PDE4D: variants seen among roughly 807,000 people sequenced by gnomAD.
PDE4D encodes the protein 3',5'-cyclic-AMP phosphodiesterase 4D.
In PDE4D, 24 loss-of-function variants were observed where a neutral mutation model predicts 87.4. That is an observed-to-expected ratio of 0.27 (90% confidence interval 0.20 to 0.39). The LOEUF is 0.39. PDE4D is among the 10% of genes least tolerant of loss of function. PDE4D has a pLI of 1.00. For missense variants in PDE4D, 714 were observed against 1,041.0 expected (o/e 0.69, Z 4.32); for synonymous variants, 384 against 383.2 (o/e 1.00, Z -0.02).
intron 1 of PDE4D, among the ~76,000 whole-genome samples, chr5:59,311,526 A>C (rs13172552): frequency 3.8e-5 from 5 of 133,124 alleles, no homozygotes; most frequent in Admixed American, 7.4e-5. Flanking sequence ...AAAAAAAAAA[A>C]CAGAAAAAGA....
intron 1 of PDE4D, among the ~76,000 whole-genome samples, chr5:59,240,538 A>G (rs760242980): frequency 1.3e-5 from 2 of 152,160 alleles, no homozygotes; most frequent in Non-Finnish European, 2.9e-5. Context: ...CACTAAGCTC[A>G]GCTCAAGACC....
intron 11 of PDE4D, 50 bp from the exon 12 acceptor site, chr5:58,977,395 T>C (rs1409566855): frequency 6.5e-7 from 1 of 1,539,502 alleles, no homozygotes; most frequent in Non-Finnish European, 8.8e-7. Context: ...TTGTGAGAAG[T>C]TTATCTGATT....
chr5:59,661,969 G>A (rs923427396), intron 1 of PDE4D, among the ~76,000 whole-genome samples: 2 of 152,128 alleles, frequency 1.3e-5, no homozygotes, highest in African/African-American at 4.8e-5. Flanking sequence ...GTTCTGGGAG[G>A]GGGGATATAT....
In PDE4D at chr5:59,893,681, G is replaced by A; in HGVS notation, c.-59C>T. On this transcript the variant is annotated 5_prime_UTR_variant, in exon 1 of 15. Transcript: ENST00000340635. ...CCGGGTTCACCGCGCTGGCCCGAGCGCCTTCCTGATGCTGCTGCTGCTGCT... is the reference window on the plus strand; with the variant it reads ...CCGGGTTCACCGCGCTGGCCCGAGCACCTTCCTGATGCTGCTGCTGCTGCT... 1 of 1,400,738 alleles carries A rather than the reference G, an allele frequency of 7.1e-7. No individual in the cohort carries two copies. Among genetic ancestry groups the A allele is most frequent in the Non-Finnish European group, 9.2e-7 (1 of 1,088,400 alleles). 86.8% of individuals were successfully genotyped at this position (1,400,738 alleles called of 1,614,324 possible).
intron 6 of PDE4D, among the ~76,000 whole-genome samples, chr5:59,016,898 C>T (rs2968016): frequency 0.56 from 85,156 of 151,774 alleles, 24,111 homozygotes; most frequent in Admixed American, 0.63. Flanking sequence ...AGACAATAAA[C>T]AAGCAGACAA....
At chr5:59,851,666 T>C (rs1460766673) in intron 1 of PDE4D, among the ~76,000 whole-genome samples, 2 of 152,076 alleles carry the variant, frequency 1.3e-5, no homozygotes, top group African/African-American at 4.8e-5. Context: ...ATATAAAACC[T>C]TTAAATCTGG....
chr5:59,737,582 A>G (rs1758254200), intron 1 of PDE4D, among the ~76,000 whole-genome samples: 1 of 152,144 alleles, frequency 6.6e-6, no homozygotes, highest in South Asian at 2.1e-4. Flanking sequence ...TTAATAACAT[A>G]ATATTTCATT....
chr5:59,985,131 G>GTTTTTTTTT (rs1357220308), intron 3 of PDE4D, among the ~76,000 whole-genome samples: 1 of 116,086 alleles, frequency 8.6e-6, no homozygotes, highest in Non-Finnish European at 1.8e-5. Context: ...TTCGTTTTTT[G>GTTTTTTTTT]TTTTTTGTTT....
chr5:59,108,904 C>A, intron 5 of PDE4D, among the ~76,000 whole-genome samples: 1 of 67,998 alleles, frequency 1.5e-5, no homozygotes. Flanking sequence ...GAGATTCCTT[C>A]TCAAAAAAAA....
At chr5:60,240,868 A>G (rs1344254748) in intron 1 of PDE4D, among the ~76,000 whole-genome samples, 4 of 152,126 alleles carry the variant, frequency 2.6e-5, no homozygotes, top group Non-Finnish European at 5.9e-5. Context: ...ATAATACCCA[A>G]GTACTTTTGA....
chr5:59,513,341 T>C (rs528968935), intron 1 of PDE4D, among the ~76,000 whole-genome samples: 2 of 152,298 alleles, frequency 1.3e-5, no homozygotes, highest in African/African-American at 2.4e-5. Flanking sequence ...AAGAATGATA[T>C]TGACAAAAAT....
chr5:59,222,327 T>G (rs77508816), intron 1 of PDE4D, among the ~76,000 whole-genome samples: 264 of 152,288 alleles, frequency 1.7e-3, no homozygotes, highest in African/African-American at 5.2e-3. Flanking sequence ...AGTTTAAACT[T>G]TTCCCAATTT....
chr5:60,061,175 G>C (rs1307285295), intron 2 of PDE4D, among the ~76,000 whole-genome samples: 2 of 152,120 alleles, frequency 1.3e-5, no homozygotes, highest in East Asian at 3.9e-4. Flanking sequence ...CCTATATTTA[G>C]AAAACCCCAT....
intron 1 of PDE4D, among the ~76,000 whole-genome samples, chr5:59,562,078 G>T (rs542207607): frequency 2.6e-5 from 4 of 152,106 alleles, no homozygotes; most frequent in African/African-American, 9.7e-5. Context: ...TACTGCATAT[G>T]TCAATAAATG....
intron 5 of PDE4D, among the ~76,000 whole-genome samples, chr5:59,153,687 C>T (rs1779757560): frequency 6.6e-6 from 1 of 151,994 alleles, no homozygotes; most frequent in Admixed American, 6.6e-5. Flanking sequence ...CATGACAGTG[C>T]CCCAGAACCA....
chr5:59,769,437 A>G (rs553080900), intron 1 of PDE4D, among the ~76,000 whole-genome samples: 1 of 152,344 alleles, frequency 6.6e-6, no homozygotes, highest in African/African-American at 2.4e-5. Flanking sequence ...TTTGTGATAT[A>G]TACAATTTTA....
chr5:59,705,018 C>T (rs938034967), intron 1 of PDE4D, among the ~76,000 whole-genome samples: 10 of 152,094 alleles, frequency 6.6e-5, no homozygotes, highest in Non-Finnish European at 1.3e-4. Flanking sequence ...GCAGATTTTA[C>T]AAGACAACTA....
chr5:59,166,620 T>C (rs935836894), intron 5 of PDE4D, among the ~76,000 whole-genome samples: 1 of 152,238 alleles, frequency 6.6e-6, no homozygotes, highest in Non-Finnish European at 1.5e-5. Flanking sequence ...GGGCTCCCTG[T>C]CTTGGAATTG....
At chr5:59,603,372 T>C (rs1827776080) in intron 1 of PDE4D, among the ~76,000 whole-genome samples, 2 of 151,914 alleles carry the variant, frequency 1.3e-5, no homozygotes, top group African/African-American at 4.8e-5. Context: ...GACTTACAAA[T>C]GGCCAACAGA....
Sources: allele counts gnomAD v4.1 joint callset (sites outside exome capture counted in the v4.1 genomes callset), GRCh38; gene constraint gnomAD v4.1.1; transcripts MANE v1.5; gene names NCBI Gene and HGNC (gene_info 2026-07-23, HGNC 2026-07-21).